SAMD5: variants seen among roughly 807,000 people sequenced by gnomAD.
SAMD5 encodes the protein sterile alpha motif domain containing 5.
A neutral mutation model predicts 11.3 loss-of-function variants in SAMD5; 13 were observed. The observed-to-expected ratio is 1.15, with a 90% CI of 0.75 to 1.83. SAMD5 has a LOEUF of 1.83. Ranked by LOEUF, SAMD5 falls within the 40% of genes most tolerant of loss-of-function variation. The pLI, the probability that SAMD5 is intolerant of heterozygous loss-of-function variation, is 0.00. For synonymous variants in SAMD5, 129 were observed against 111.3 expected (o/e 1.16, Z -1.00); for missense variants, 255 against 239.1 (o/e 1.07, Z -0.44).
the SAMD5 span, among the ~76,000 whole-genome samples, chr6:147,837,044 A>G: frequency 6.6e-6 from 1 of 152,254 alleles, no homozygotes; most frequent in Admixed American, 6.5e-5. Context: ...GTGCCGGTAG[A>G]CATGATGAGA....
chr6:147,533,477 A>G (rs10428878), intron 1 of SAMD5, among the ~76,000 whole-genome samples: 3,857 of 150,534 alleles, frequency 0.026, 185 homozygotes, highest in African/African-American at 0.09. Context: ...AAAAAAAAAA[A>G]AAAGAAAGAA....
the SAMD5 span, among the ~76,000 whole-genome samples, chr6:147,938,196 G>A: frequency 1.3e-5 from 2 of 152,170 alleles, no homozygotes. Flanking sequence ...TCTATGCTAA[G>A]CAGAGCTTCA....
the SAMD5 span, among the ~76,000 whole-genome samples, chr6:147,789,278 A>AC: frequency 5.7e-5 from 8 of 141,196 alleles, no homozygotes; most frequent in East Asian, 2.2e-4. Flanking sequence ...TCTCTAGAAA[A>AC]ACACACACAC....
At chr6:147,594,024 G>A (rs1028858541) in intron 1 of SAMD5, among the ~76,000 whole-genome samples, 1 of 151,888 alleles carries the variant, frequency 6.6e-6, no homozygotes, top group Non-Finnish European at 1.5e-5. Flanking sequence ...AGATACTCAG[G>A]AGGCTGAGGC....
chr6:147,701,138 C>T lies in SAMD5; in HGVS notation c.163-36179C>T, dbSNP rs188111804. 3.4e-4 allele frequency among the ~76,000 whole-genome samples: 52 copies of T among 152,190 alleles called. 1 individual carries two copies. Among genetic ancestry groups the T allele is most frequent in the Admixed American group, 2.9e-3 (45 of 15,278 alleles). ...TAATAACAATCATTATTATAATAAA[C>T]AGCCGTTATTTGAGGGGTTCTGGAC... On this transcript the variant is annotated intron_variant, in intron 1 of 1. Transcript: ENST00000566741.
chr6:147,856,031 C>T, the SAMD5 span, among the ~76,000 whole-genome samples: 1 of 152,084 alleles, frequency 6.6e-6, no homozygotes, highest in Non-Finnish European at 1.5e-5. Context: ...AAGCCAATAT[C>T]CATCAAGAGA....
Position 147,693,358 on chromosome 6 carries a change from G to A in SAMD5, c.163-43959G>A, listed in dbSNP as rs77251687. On this transcript the variant is annotated intron_variant, in intron 1 of 1. Transcript: ENST00000566741. ...TGACAGCAGGGCCTGCATCCTGCAC[G>A]CAGCTGTCAGGACGCTGACAGGGCT... Among the ~76,000 whole-genome samples, 814 of 152,288 alleles carry A rather than the reference G, an allele frequency of 5.3e-3. 4 individuals carry two copies. Among genetic ancestry groups the A allele is most frequent in the African/African-American group, 0.018 (747 of 41,566 alleles).
chr6:147,559,285 A>G (rs113967533), intron 1 of SAMD5, among the ~76,000 whole-genome samples: 11 of 152,350 alleles, frequency 7.2e-5, no homozygotes, highest in African/African-American at 2.6e-4. Context: ...CTTTTAAGAA[A>G]GTAGGGAATT....
the SAMD5 span, among the ~76,000 whole-genome samples, chr6:147,877,249 A>G: frequency 3.4e-4 from 52 of 152,186 alleles, no homozygotes; most frequent in African/African-American, 1.3e-3. Flanking sequence ...TTAACTGTCA[A>G]GAAAGATTTA....
At chr6:147,718,627 G>C (rs540463390) in intron 1 of SAMD5, among the ~76,000 whole-genome samples, 30 of 152,274 alleles carry the variant, frequency 2.0e-4, no homozygotes, top group African/African-American at 7.0e-4. Flanking sequence ...ACCAGGTTTT[G>C]GTGTGGCATT....
intron 1 of SAMD5, chr6:147,729,608 A>C: frequency 2.9e-6 from 1 of 345,220 alleles, no homozygotes; most frequent in Non-Finnish European, 5.7e-6. Flanking sequence ...AAGTAGGAAA[A>C]GAAGAAAGCA....
chr6:147,894,840 G>T, the SAMD5 span, among the ~76,000 whole-genome samples: 1 of 152,174 alleles, frequency 6.6e-6, no homozygotes, highest in Non-Finnish European at 1.5e-5. Flanking sequence ...TACCTCTCCA[G>T]CAAGTGGCAG....
chr6:147,516,301 C>T (rs1039156552), intron 1 of SAMD5, among the ~76,000 whole-genome samples: 1 of 152,072 alleles, frequency 6.6e-6, no homozygotes, highest in Non-Finnish European at 1.5e-5. Flanking sequence ...GCTATGGCAG[C>T]CCATGGAATT....
At chr6:147,670,776 T>C (rs529320413) in intron 1 of SAMD5, among the ~76,000 whole-genome samples, 1 of 152,366 alleles carries the variant, frequency 6.6e-6, no homozygotes, top group Admixed American at 6.5e-5. Context: ...TAGGATCTTT[T>C]ATCTAGACTA....
chr6:147,549,483 G>A (rs1788734925), intron 1 of SAMD5, among the ~76,000 whole-genome samples: 1 of 152,130 alleles, frequency 6.6e-6, no homozygotes, highest in Non-Finnish European at 1.5e-5. Flanking sequence ...ATGGATAAAT[G>A]TTTCTCTCCT....
chr6:147,795,701 G>A, the SAMD5 span, among the ~76,000 whole-genome samples: 455 of 148,920 alleles, frequency 3.1e-3, 2 homozygotes, highest in African/African-American at 0.01. Flanking sequence ...AAGTGTTCCT[G>A]TTTCTCCACA....
Position 147,565,438 on chromosome 6 carries a change from A to G in SAMD5, c.*982A>G. ...GAGTTTTTCTAATTCTTATCGTCTT[A>G]TCGTTCTTGTGTTTGGATGCTGGTA... On this transcript the variant is annotated 3_prime_UTR_variant, in exon 2 of 2. Transcript: ENST00000367474. 1.0e-6 allele frequency: 1 copy of G among 982,624 alleles called. No homozygotes were observed. Among genetic ancestry groups the G allele is most frequent in the Non-Finnish European group, 1.2e-6 (1 of 828,508 alleles). 60.9% of individuals were successfully genotyped at this position (982,624 alleles called of 1,614,324 possible).
At chr6:147,741,827 C>T (rs1791883702), downstream of SAMD5, 2 of 152,200 alleles carry the variant, frequency 1.3e-5, no homozygotes, top group Non-Finnish European at 2.9e-5. Context: ...CTGCTCTTTT[C>T]TTTCACATTT....
intron 1 of SAMD5, among the ~76,000 whole-genome samples, chr6:147,634,543 C>T (rs967274128): frequency 1.2e-4 from 19 of 152,146 alleles, no homozygotes; most frequent in Non-Finnish European, 2.2e-4. Flanking sequence ...CATTGTGACA[C>T]GTATCAGAAG....
Sources: gnomAD v4.1 joint callset for allele counts (sites outside exome capture counted in the v4.1 genomes callset) on GRCh38, gnomAD v4.1.1 for gene constraint, MANE v1.5 for transcripts, NCBI Gene and HGNC (gene_info 2026-07-23, HGNC 2026-07-21) for gene names.